Variants in HVCN1 observed in about 807,000 individuals in gnomAD.
HVCN1 encodes voltage-gated hydrogen channel 1.
In HVCN1, 14 loss-of-function variants were observed where a neutral mutation model predicts 29.2. That is an observed-to-expected ratio of 0.48 (90% CI 0.32 to 0.75). HVCN1 has a LOEUF of 0.75. Ranked by LOEUF, HVCN1 falls within the 30% of genes least tolerant of loss-of-function variation. The pLI is 0.04. For synonymous variants in HVCN1, 131 were observed against 133.2 expected (o/e 0.98, Z 0.11); for missense variants, 263 against 341.8 (o/e 0.77, Z 1.82).
intron 3 of HVCN1, among the ~76,000 whole-genome samples, chr12:110,671,011 G>A (rs1225141141): frequency 6.6e-6 from 1 of 152,072 alleles, no homozygotes; most frequent in Admixed American, 6.6e-5. Flanking sequence ...GGCCAACATG[G>A]CAAAACCCCG....
intron 4 of HVCN1, among the ~76,000 whole-genome samples, chr12:110,659,968 A>G (rs1407316216): frequency 6.6e-6 from 1 of 152,042 alleles, no homozygotes; most frequent in African/African-American, 2.4e-5. Context: ...TGGGAGGCTG[A>G]GGCAGGATAG....
chr12:110,677,014 G>C (rs553653985), intron 3 of HVCN1, among the ~76,000 whole-genome samples: 6 of 152,114 alleles, frequency 3.9e-5, no homozygotes, highest in Admixed American at 3.9e-4. Context: ...GACCAGCCTG[G>C]GCAACAGAGT....
At chr12:110,667,692 A>G (rs1281510350) in intron 3 of HVCN1, among the ~76,000 whole-genome samples, 1 of 152,134 alleles carries the variant, frequency 6.6e-6, no homozygotes, top group Non-Finnish European at 1.5e-5. Context: ...TCGGCCTCCC[A>G]AAGTTCTGGG....
chr12:110,700,841 CCTT>C (rs1272873178), intron 2 of HVCN1, among the ~76,000 whole-genome samples: 1 of 152,186 alleles, frequency 6.6e-6, no homozygotes, highest in South Asian at 2.1e-4. Flanking sequence ...CATCTCTTGC[CCTT>C]CTTCTGGTAC....
At chr12:110,675,987 G>T (rs1181902873) in intron 3 of HVCN1, among the ~76,000 whole-genome samples, 1 of 152,198 alleles carries the variant, frequency 6.6e-6, no homozygotes. Flanking sequence ...CTTAGCAGAG[G>T]AGCAAACTGA....
At chr12:110,655,706 T>G (rs1306757857) in intron 4 of HVCN1, among the ~76,000 whole-genome samples, 1 of 71,178 alleles carries the variant, frequency 1.4e-5, no homozygotes, top group African/African-American at 7.9e-5. Flanking sequence ...AAATAATCAG[T>G]TTTTTTTTTT....
At position 110,651,451 on chromosome 12, in the gene HVCN1, G is replaced by T; in HGVS notation, c.412-3C>A. The T allele has an allele frequency of 6.3e-7, 1 of 1,599,810 alleles. No homozygotes were observed. On this transcript the variant is annotated splice_polypyrimidine_tract_variant and splice_region_variant and intron_variant, in intron 5 of 7. Transcript: ENST00000242607. The stretch of plus-strand genomic sequence containing the variant: ...GTGATGCTCATGTAGTGGAATACCT[G>T]AAGGGGACAAGGAACCACAGTCAGG...
At chr12:110,671,102 A>C (rs1242398907) in intron 3 of HVCN1, among the ~76,000 whole-genome samples, 1 of 152,148 alleles carries the variant, frequency 6.6e-6, no homozygotes, top group Non-Finnish European at 1.5e-5. Flanking sequence ...CAGGGTGGAC[A>C]GATCGCCTGA....
At chr12:110,693,799 C>T (rs1026123836), upstream of HVCN1, among the ~76,000 whole-genome samples, 16 of 152,218 alleles carry the variant, frequency 1.1e-4, no homozygotes, top group East Asian at 3.9e-4. Flanking sequence ...ATTTGTAATA[C>T]GATGCATTCG....
chr12:110,678,211 C>G (rs770442443), intron 3 of HVCN1, among the ~76,000 whole-genome samples: 4 of 152,166 alleles, frequency 2.6e-5, no homozygotes, highest in Non-Finnish European at 4.4e-5. Context: ...CTGCCAAGCC[C>G]AGCTCCCCCT....
At chr12:110,684,938 ATTTT>A (rs763322992) in intron 2 of HVCN1, among the ~76,000 whole-genome samples, 13 of 150,672 alleles carry the variant, frequency 8.6e-5, no homozygotes, top group Non-Finnish European at 1.8e-4. Flanking sequence ...CCAACCTTTT[ATTTT>A]ATTTTTTTTG....
intron 3 of HVCN1, among the ~76,000 whole-genome samples, chr12:110,672,065 T>C (rs985488923): frequency 1.2e-4 from 19 of 152,302 alleles, no homozygotes; most frequent in African/African-American, 4.3e-4. Flanking sequence ...AAAAAATATT[T>C]GAGTCTCTCT....
chr12:110,663,587 CA>C (rs1182792368), intron 3 of HVCN1, among the ~76,000 whole-genome samples: 2,296 of 25,756 alleles, frequency 0.089, 8 homozygotes, highest in African/African-American at 0.2. Context: ...GACGCTGTCT[CA>C]AAAAAAAAAA....
At chr12:110,669,246 C>T (rs2068483468) in intron 3 of HVCN1, among the ~76,000 whole-genome samples, 2 of 152,134 alleles carry the variant, frequency 1.3e-5, no homozygotes, top group African/African-American at 2.4e-5. Flanking sequence ...CACACCCCAT[C>T]GGTTTCACTT....
In HVCN1 at chr12:110,655,338, C is replaced by T. The variant is rs1274866297; in HGVS notation, c.307G>A (p.Val103Ile). The change falls in exon 5 of 8, where the codon GTC becomes ATC. Residue 103 changes from valine to isoleucine, a missense_variant and splice_region_variant. Val to Ile is a conservative substitution (Grantham distance 29). This residue lies in a region of HVCN1 where 157 missense variants were observed against 181.3 expected (regional missense o/e 0.87). Coordinates refer to ENST00000242607, the MANE Select transcript of HVCN1 (RefSeq NM_032369.4). ...RKLFSSHRFQ[V>I]IIICLVVLDA... The stretch of plus-strand genomic sequence containing the variant: ...AGAACCACCAAGCAGATGATGATGA[C>T]CTGTGGGCCGAGGGAAGGTGCCAGA... 1 of 1,612,030 alleles carries T rather than the reference C, an allele frequency of 6.2e-7. No homozygotes were observed. The highest frequency in any genetic ancestry group is 8.5e-7 in the Non-Finnish European group (1 of 1,178,248).
At chr12:110,653,091 T>G (rs914688870) in intron 5 of HVCN1, among the ~76,000 whole-genome samples, 8 of 152,090 alleles carry the variant, frequency 5.3e-5, no homozygotes, top group Non-Finnish European at 8.8e-5. Flanking sequence ...ACATGGGACA[T>G]TCTACTGGCT....
intron 2 of HVCN1, among the ~76,000 whole-genome samples, chr12:110,699,187 T>G (rs1350983198): frequency 6.6e-6 from 1 of 152,142 alleles, no homozygotes; most frequent in African/African-American, 2.4e-5. Flanking sequence ...TTGCTGGGAT[T>G]TGCTGGGCTT....
intron 2 of HVCN1, among the ~76,000 whole-genome samples, chr12:110,700,674 C>A (rs1374606401): frequency 6.6e-6 from 1 of 152,164 alleles, no homozygotes; most frequent in African/African-American, 2.4e-5. Flanking sequence ...CTCACTGCAG[C>A]CTTGACCTCC....
At chr12:110,667,462 G>A (rs543093115) in intron 3 of HVCN1, among the ~76,000 whole-genome samples, 64 of 151,848 alleles carry the variant, frequency 4.2e-4, no homozygotes, top group Non-Finnish European at 2.1e-4. Context: ...ATAGGGTCTC[G>A]CTCTGTCACC....
Sources: gnomAD v4.1 joint callset for allele counts (sites outside exome capture counted in the v4.1 genomes callset) on GRCh38, gnomAD v4.1.1 for gene constraint, gnomAD v4.1.1 regional missense constraint, MANE v1.5 for transcripts, NCBI Gene and HGNC (gene_info 2026-07-23, HGNC 2026-07-21) for gene names.